The following SEL1L2 variants were observed in gnomAD, a reference collection of about 807,000 sequenced individuals.
SEL1L2 encodes protein sel-1 homolog 2.
In SEL1L2, 89 loss-of-function variants were observed where a neutral mutation model predicts 98.8. That is an observed-to-expected ratio of 0.90 (90% CI 0.76 to 1.07). The LOEUF (loss-of-function observed/expected upper bound fraction) is 1.07, where lower values mean the gene tolerates loss of function less well. Ranked by LOEUF, SEL1L2 falls within the 50% of genes least tolerant of loss-of-function variation. The probability of loss-of-function intolerance (pLI) is 0.00; values close to 1 mark genes in which losing one functional copy is unlikely to be tolerated. For synonymous variants in SEL1L2, 262 were observed against 278.5 expected, an observed-to-expected ratio of 0.94 and a Z score of 0.59; for missense variants, 788 against 812.0, an observed-to-expected ratio of 0.97 and a Z score of 0.36.
intron 15 of SEL1L2, among the ~76,000 whole-genome samples, chr20:13,866,284 C>CAAATCATCA (rs747131122): frequency 4.6e-5 from 7 of 152,138 alleles, no homozygotes; most frequent in Non-Finnish European, 1.0e-4. Context: ...AATTGTCATC[C>CAAATCATCA]AAATCATCAA....
intron 2 of SEL1L2, among the ~76,000 whole-genome samples, chr20:13,936,670 C>A (rs1309086494): frequency 1.3e-5 from 2 of 152,170 alleles, no homozygotes; most frequent in South Asian, 2.1e-4. Flanking sequence ...AAATCCCTAG[C>A]CTTGGAATTT....
intron 3 of SEL1L2, among the ~76,000 whole-genome samples, chr20:13,927,040 T>C (rs1470309974): frequency 6.6e-6 from 1 of 152,236 alleles, no homozygotes; most frequent in African/African-American, 2.4e-5. Context: ...AATTATTCTT[T>C]TAGACTTCAT....
At chr20:13,977,635 C>G (rs1472548827) in intron 1 of SEL1L2, among the ~76,000 whole-genome samples, 1 of 151,968 alleles carries the variant, frequency 6.6e-6, no homozygotes, top group Non-Finnish European at 1.5e-5. Context: ...TCCTGTCAGA[C>G]AAAAAGAACT....
At chr20:13,914,913 T>C (rs1224719943) in intron 4 of SEL1L2, among the ~76,000 whole-genome samples, 2 of 152,196 alleles carry the variant, frequency 1.3e-5, no homozygotes, top group Non-Finnish European at 2.9e-5. Flanking sequence ...CTGATTGGTA[T>C]AAGAAGTGAT....
chr20:13,918,876 T>C (rs561605196), intron 4 of SEL1L2, 145 bp downstream of exon 4: 2 of 605,830 alleles, frequency 3.3e-6, no homozygotes, highest in Admixed American at 3.2e-5. Flanking sequence ...TTAAACACAA[T>C]TTGATCCTTT....
chr20:13,918,616 A>T (rs1042566642), intron 4 of SEL1L2, among the ~76,000 whole-genome samples: 2 of 152,242 alleles, frequency 1.3e-5, no homozygotes, highest in Non-Finnish European at 2.9e-5. Context: ...CATACATGAA[A>T]GTGCTTTTAA....
chr20:13,878,122 A>G (rs1255173109), intron 10 of SEL1L2, among the ~76,000 whole-genome samples: 1 of 152,110 alleles, frequency 6.6e-6, no homozygotes, highest in East Asian at 1.9e-4. Flanking sequence ...GAGGCCAGTA[A>G]AGCCTCTGAT....
intron 9 of SEL1L2, among the ~76,000 whole-genome samples, chr20:13,885,962 G>A (rs191769601): frequency 4.6e-5 from 7 of 152,022 alleles, no homozygotes; most frequent in South Asian, 2.1e-4. Context: ...GTGTGAACTC[G>A]GGAGGCGGAG....
rs115304130 is a variant in SEL1L2, at chr20:13,913,782, G to T, written c.549C>A (p.Asn183Lys). ...GGTTTCATTTTCCTTCAAAACTCACGTTTTGGGCTTTACATGATCCTTCTT... is the reference window on the plus strand; with the variant it reads ...GGTTTCATTTTCCTTCAAAACTCACTTTTTGGGCTTTACATGATCCTTCTT... Reference protein sequence around the residue: ...LAKEGSCKAQNALGFLSSYGI... With the variant: ...LAKEGSCKAQKALGFLSSYGI... Residue 183 changes from asparagine to lysine, a missense_variant and splice_region_variant, in exon 5 of 20, where the codon AAC becomes AAA. By Grantham distance (94) the Asn-to-Lys change is moderately conservative. Coordinates refer to ENST00000284951, the MANE Select transcript of SEL1L2 (RefSeq NM_025229.2). The T allele has an allele frequency of 1.3e-6, 2 of 1,514,978 alleles. No individual in the cohort carries two copies. The highest frequency in any genetic ancestry group is 2.7e-5 in the South Asian group (2 of 73,670). 93.8% of individuals were successfully genotyped at this position (1,514,978 alleles called of 1,614,324 possible).
intron 1 of SEL1L2, among the ~76,000 whole-genome samples, chr20:13,988,278 T>G (rs1377204776): frequency 6.6e-6 from 1 of 152,208 alleles, no homozygotes; most frequent in African/African-American, 2.4e-5. Context: ...CCTTAAGTGA[T>G]CCTTCTGCCT....
intron 1 of SEL1L2, among the ~76,000 whole-genome samples, chr20:13,980,018 A>C (rs1346204099): frequency 1.3e-5 from 2 of 152,238 alleles, no homozygotes; most frequent in Admixed American, 1.3e-4. Context: ...AAGAAAACAA[A>C]CAACTTGATT....
At chr20:13,967,847 T>C (rs1416031258) in intron 1 of SEL1L2, among the ~76,000 whole-genome samples, 1 of 152,180 alleles carries the variant, frequency 6.6e-6, no homozygotes, top group East Asian at 1.9e-4. Flanking sequence ...CAGCAAGAAT[T>C]GCATATATAT....
At chr20:13,860,091 C>G (rs1156693071) in intron 17 of SEL1L2, among the ~76,000 whole-genome samples, 1 of 152,208 alleles carries the variant, frequency 6.6e-6, no homozygotes, top group Non-Finnish European at 1.5e-5. Flanking sequence ...CCCCATCCCT[C>G]CCATTCTCAG....
At chr20:13,879,600 A>G (rs2046600117) in intron 10 of SEL1L2, among the ~76,000 whole-genome samples, 1 of 151,968 alleles carries the variant, frequency 6.6e-6, no homozygotes, top group African/African-American at 2.4e-5. Flanking sequence ...TGATCCTCCC[A>G]TTTCGACCTC....
chr20:13,884,118 AG>A (rs1175938069), intron 10 of SEL1L2, among the ~76,000 whole-genome samples: 4 of 152,358 alleles, frequency 2.6e-5, no homozygotes, highest in African/African-American at 9.6e-5. Context: ...TACAAATTAT[AG>A]TACCAAAGAC....
chr20:13,905,809 T>C (rs2047901421), intron 5 of SEL1L2, among the ~76,000 whole-genome samples: 1 of 152,034 alleles, frequency 6.6e-6, no homozygotes, highest in African/African-American at 2.4e-5. Context: ...AATGACACTT[T>C]CAGTGGTTTG....
chr20:13,933,431 C>A (rs1390636548), intron 2 of SEL1L2, among the ~76,000 whole-genome samples: 1 of 145,138 alleles, frequency 6.9e-6, no homozygotes, highest in South Asian at 2.2e-4. Flanking sequence ...TCCCATCCTC[C>A]CTACCCCAGC....
chr20:13,959,638 C>T (rs368468271), intron 1 of SEL1L2, among the ~76,000 whole-genome samples: 31 of 152,304 alleles, frequency 2.0e-4, no homozygotes, highest in African/African-American at 7.0e-4. Context: ...CTTCAAACAT[C>T]TTGACAACTT....
chr20:13,952,490 G>T (rs1290272588), intron 2 of SEL1L2, among the ~76,000 whole-genome samples: 1 of 152,152 alleles, frequency 6.6e-6, no homozygotes, highest in Non-Finnish European at 1.5e-5. Context: ...GGCCCTCCCT[G>T]CTTCATGGGT....
Sources: allele counts gnomAD v4.1 joint callset (sites outside exome capture counted in the v4.1 genomes callset), GRCh38; gene constraint gnomAD v4.1.1; transcripts MANE v1.5; gene names NCBI Gene and HGNC (gene_info 2026-07-23, HGNC 2026-07-21).